ZNF676: variants seen among roughly 807,000 people sequenced by gnomAD.
ZNF676 encodes zinc finger protein 676.
In ZNF676, 4 loss-of-function variants were observed where a neutral mutation model predicts 6.0. The ratio of observed to expected loss-of-function variants is 0.67; its 90% confidence interval spans 0.33 to 1.53. The LOEUF is 1.53. Ranked by LOEUF, ZNF676 falls within the 40% of genes most tolerant of loss-of-function variation. The probability of loss-of-function intolerance (pLI) is 0.06; values close to 1 mark genes in which losing one functional copy is unlikely to be tolerated. For synonymous variants in ZNF676, 198 were observed against 223.1 expected (o/e 0.89, Z 1.00); for missense variants, 644 against 679.7 (o/e 0.95, Z 0.58).
At chr19:22,230,178 A>C in the ZNF676 span, among the ~76,000 whole-genome samples, 1 of 152,216 alleles carries the variant, frequency 6.6e-6, no homozygotes, top group Non-Finnish European at 1.5e-5. Flanking sequence ...ATAAACAAGG[A>C]TGAGTTCATG....
chr19:22,187,211 G>A (rs1352856122), intron 2 of ZNF676, among the ~76,000 whole-genome samples: 1 of 152,164 alleles, frequency 6.6e-6, no homozygotes, highest in Non-Finnish European at 1.5e-5. Flanking sequence ...TCAGGATTGA[G>A]AAACTCACGC....
chr19:22,248,243 A>G, the ZNF676 span, among the ~76,000 whole-genome samples: 1 of 152,160 alleles, frequency 6.6e-6, no homozygotes, highest in East Asian at 1.9e-4. Flanking sequence ...CATGATTTAT[A>G]TTCCTTTGGG....
chr19:22,180,510 T>A lies in ZNF676; in HGVS notation c.1207A>T (p.Asn403Tyr). ...YKCEECGKAS[N>Y]SSSKLMEHKR... is the part of the protein sequence containing the mutation. ...TGTTCCATGAGCTTTGAGGATGAGT[T>A]GGAAGCTTTGCCACATTCTTCACAT... The change falls in exon 3 of 3, where the codon AAC becomes TAC. Residue 403 changes from asparagine to tyrosine, a missense_variant. Around this residue, in one of 5 missense-constraint regions of ZNF676, gnomAD observed 306 missense variants for 265.4 expected, o/e 1.15. Coordinates refer to ENST00000397121, the MANE Select transcript of ZNF676 (RefSeq NM_001001411.3). 1 of 1,607,794 alleles carries A rather than the reference T, an allele frequency of 6.2e-7. No homozygotes were observed. Among genetic ancestry groups the A allele is most frequent in the South Asian group, 1.1e-5 (1 of 90,686 alleles).
chr19:22,196,373 AC>A (rs1159018662), intron 1 of ZNF676, among the ~76,000 whole-genome samples: 1 of 151,648 alleles, frequency 6.6e-6, no homozygotes, highest in Non-Finnish European at 1.5e-5. Flanking sequence ...GCTGACCACA[AC>A]CTCCCCCTTC....
At chr19:22,200,262 T>C (rs1425258974), upstream of ZNF676, among the ~76,000 whole-genome samples, 1 of 152,038 alleles carries the variant, frequency 6.6e-6, no homozygotes, top group Non-Finnish European at 1.5e-5. Flanking sequence ...TCTATAATAA[T>C]TTTTTTAGAA....
At chr19:22,221,612 A>G in the ZNF676 span, among the ~76,000 whole-genome samples, 1 of 152,062 alleles carries the variant, frequency 6.6e-6, no homozygotes, top group South Asian at 2.1e-4. Context: ...TTAGGCAGGC[A>G]TGGTGGCACG....
chr19:22,181,363 A>G lies in ZNF676; in HGVS notation c.354T>C (p.Tyr118=), dbSNP rs765070522. The G allele has an allele frequency of 8.7e-6, 14 of 1,613,708 alleles. No individual in the cohort carries two copies. The highest frequency in any genetic ancestry group is 5.0e-5 in the Admixed American group (3 of 59,996). The stretch of plus-strand genomic sequence containing the variant: ...TTGAACATTTATGAAAGACGTTTGC[A>G]TATTTGCCACATTGAAATACTTTGC... ...TQSKVFQCGK[Y]ANVFHKCSNS... Residue 118 remains tyrosine, a synonymous_variant, in exon 3 of 3, where the codon TAT becomes TAC. Transcript: ENST00000397121.
chr19:22,239,027 C>T, the ZNF676 span, among the ~76,000 whole-genome samples: 24 of 152,202 alleles, frequency 1.6e-4, no homozygotes, highest in African/African-American at 3.6e-4. Context: ...AATCCAGTCA[C>T]GTTGACACAC....
the ZNF676 span, among the ~76,000 whole-genome samples, chr19:22,237,121 T>C: frequency 6.6e-6 from 1 of 152,222 alleles, no homozygotes; most frequent in Non-Finnish European, 1.5e-5. Flanking sequence ...CTGGAATTAG[T>C]AGGTCTAAAG....
the ZNF676 span, among the ~76,000 whole-genome samples, chr19:22,254,751 G>C: frequency 6.6e-6 from 1 of 152,172 alleles, no homozygotes; most frequent in Admixed American, 6.5e-5. Flanking sequence ...ATCTGTTCTT[G>C]GGCAGAGACC....
intron 2 of ZNF676, among the ~76,000 whole-genome samples, chr19:22,182,424 T>A (rs1269815568): frequency 6.6e-6 from 1 of 151,736 alleles, no homozygotes; most frequent in Non-Finnish European, 1.5e-5. Context: ...ATTGAAAATG[T>A]ATATACTAAT....
At chr19:22,257,648 G>A in the ZNF676 span, among the ~76,000 whole-genome samples, 1 of 152,336 alleles carries the variant, frequency 6.6e-6, no homozygotes, top group East Asian at 1.9e-4. Context: ...AGGCAGGAGA[G>A]GAGAGTCACA....
chr19:22,250,709 T>C, the ZNF676 span, among the ~76,000 whole-genome samples: 7 of 151,812 alleles, frequency 4.6e-5, no homozygotes, highest in Admixed American at 4.6e-4. Flanking sequence ...GTAAGGAATG[T>C]CATTTCTTTT....
chr19:22,235,121 C>CAGGAAGGAAGGAAGGAAGGAAGGA, the ZNF676 span, among the ~76,000 whole-genome samples: 25 of 131,794 alleles, frequency 1.9e-4, no homozygotes, highest in African/African-American at 6.2e-4. Flanking sequence ...GGCAGGAAGG[C>CAGGAAGGAAGGAAGGAAGGAAGGA]AGGAAGGAAG....
chr19:22,247,993 G>A, the ZNF676 span, among the ~76,000 whole-genome samples: 16 of 150,296 alleles, frequency 1.1e-4, no homozygotes, highest in Non-Finnish European at 2.1e-4. Flanking sequence ...GAGAACATGC[G>A]GTGCTTGGTT....
the ZNF676 span, among the ~76,000 whole-genome samples, chr19:22,248,002 T>C: frequency 6.6e-6 from 1 of 151,072 alleles, no homozygotes; most frequent in Non-Finnish European, 1.5e-5. Flanking sequence ...CGGTGCTTGG[T>C]TTTTTGTCCT....
At chr19:22,225,909 GT>G in the ZNF676 span, among the ~76,000 whole-genome samples, 2 of 151,762 alleles carry the variant, frequency 1.3e-5, no homozygotes, top group East Asian at 1.9e-4. Context: ...CTCTCTTGAA[GT>G]TTTTTTTGAT....
chr19:22,189,526 T>A (rs1183839062), intron 2 of ZNF676, among the ~76,000 whole-genome samples: 1 of 152,072 alleles, frequency 6.6e-6, no homozygotes, highest in Non-Finnish European at 1.5e-5. Context: ...AAAAGGGACC[T>A]AATTTAACTA....
chr19:22,215,174 C>T (rs568792667), intron 1 of ZNF676, among the ~76,000 whole-genome samples: 213 of 152,060 alleles, frequency 1.4e-3, no homozygotes, highest in African/African-American at 4.7e-3. Context: ...AGACCATAAA[C>T]TACAATCCAT....
Sources: gnomAD v4.1 joint callset for allele counts (sites outside exome capture counted in the v4.1 genomes callset) on GRCh38, gnomAD v4.1.1 for gene constraint, gnomAD v4.1.1 regional missense constraint, MANE v1.5 for transcripts, NCBI Gene and HGNC (gene_info 2026-07-23, HGNC 2026-07-21) for gene names.